Variants in SHE observed in about 807,000 individuals in gnomAD.
SHE encodes Src homology 2 domain containing E.
In SHE, 11 loss-of-function variants were observed where a neutral mutation model predicts 49.8. The observed-to-expected ratio is 0.22, with a 90% CI of 0.14 to 0.37. The LOEUF is 0.37. Among genes scored for constraint, SHE ranks in the 10% least tolerant of loss-of-function variants. The pLI is 1.00. For missense variants in SHE, 624 were observed against 655.5 expected (o/e 0.95, Z 0.52); for synonymous variants, 310 against 278.1 (o/e 1.11, Z -1.14).
In SHE at chr1:154,482,581, G is replaced by A; in HGVS notation, c.*1568C>T. 3.0e-6 allele frequency: 3 copies of A among 985,288 alleles called. No individual in the cohort carries two copies. The highest frequency in any genetic ancestry group is 3.6e-6 in the Non-Finnish European group (3 of 829,930). 61.0% of individuals were successfully genotyped at this position (985,288 alleles called of 1,614,324 possible). On this transcript the variant is annotated 3_prime_UTR_variant, in exon 6 of 6. Transcript: ENST00000304760. The stretch of plus-strand genomic sequence containing the variant: ...ATGACAGTCAGTACATTTGCATATG[G>A]GGCAGTTTTGAGACCCAAATGACCA...
chr1:154,486,581 G>C lies in SHE; in HGVS notation c.1127C>G (p.Ser376Trp), dbSNP rs149390002. The C allele has an allele frequency of 3.7e-6, 6 of 1,614,132 alleles. No homozygotes were observed. The highest frequency in any genetic ancestry group is 2.2e-5 in the East Asian group (1 of 44,878). Residue 376 changes from serine to tryptophan, a missense_variant, in exon 4 of 6, where the codon TCG (serine) becomes TGG (tryptophan). By Grantham distance (177) the Ser-to-Trp change is radical. This residue lies in a region of SHE where 125 missense variants were observed against 181.7 expected (regional missense o/e 0.69). Coordinates refer to ENST00000304760, the MANE Select transcript of SHE (RefSeq NM_001010846.3). ...CACTTTCTCTCCCTCACTGTGGTCCGAGAGGGCTGGCTTCAGGATCTTCTG... is the reference window on the plus strand; with the variant it reads ...CACTTTCTCTCCCTCACTGTGGTCCCAGAGGGCTGGCTTCAGGATCTTCTG... ...WTQKILKPAL[S>W]DHSEGEKVDP...
In SHE at chr1:154,483,989, C is replaced by A. The variant is rs1480543056; in HGVS notation, c.*160G>T. The A allele has an allele frequency of 1.4e-6, 2 of 1,421,222 alleles. No individual in the cohort carries two copies. The highest frequency in any genetic ancestry group is 2.9e-5 in the African/African-American group (2 of 69,478). 88.0% of individuals were successfully genotyped at this position (1,421,222 alleles called of 1,614,324 possible). On this transcript the variant is annotated 3_prime_UTR_variant, in exon 6 of 6. Coordinates refer to ENST00000304760, the MANE Select transcript of SHE (RefSeq NM_001010846.3). The stretch of plus-strand genomic sequence containing the variant: ...CTCCAGCCTGGGCAACACAGCGAGA[C>A]TTCGTCTCAAACAAAACAAAACAAA...
chr1:154,489,814 A>G lies in SHE; in HGVS notation c.719-458T>C, dbSNP rs1328604118. On this transcript the variant is annotated intron_variant, in intron 2 of 5. Transcript: ENST00000304760. ...TGCAAGTCAAAAATGCACTTAATAC[A>G]TGTAACTTACTCAGTATCATGGTTT... Among the ~76,000 whole-genome samples, 4 of 152,356 alleles carry G rather than the reference A, an allele frequency of 2.6e-5. 1 individual carries two copies. Among genetic ancestry groups the G allele is most frequent in the Admixed American group, 2.6e-4 (4 of 15,310 alleles).
rs763277165 is a variant in SHE, at chr1:154,501,851, C to T, written c.176G>A (p.Gly59Glu). Residue 59 changes from glycine to glutamate, a missense_variant, in exon 1 of 6, where the codon GGG becomes GAG. Physicochemically the swap from Gly to Glu is moderately conservative, Grantham distance 98. Coordinates refer to ENST00000304760, the MANE Select transcript of SHE (RefSeq NM_001010846.3). ...CTTGCGCAATTTGCCGCCGCCGCCCCCGGGCTTGGCCCGCTCCGACACGGT... is the reference window on the plus strand; with the variant it reads ...CTTGCGCAATTTGCCGCCGCCGCCCTCGGGCTTGGCCCGCTCCGACACGGT... ...LKTVSERAKP[G>E]GGGGKLRKNS... 1.9e-6 allele frequency: 3 copies of T among 1,538,516 alleles called. 1 individual carries two copies. Among genetic ancestry groups the T allele is most frequent in the South Asian group, 1.2e-5 (1 of 84,458 alleles).
chr1:154,484,404 C>A, intron 5 of SHE, 69 bp from the exon 6 acceptor site: 1 of 1,350,626 alleles, frequency 7.4e-7, no homozygotes, highest in Non-Finnish European at 1.0e-6. Flanking sequence ...AAAACAATTG[C>A]AGCCAGATTC....
At position 154,482,621 on chromosome 1, in the gene SHE, A is replaced by G; in HGVS notation, c.*1528T>C. 1.0e-6 allele frequency: 1 copy of G among 985,436 alleles called. No homozygotes were observed. The highest frequency in any genetic ancestry group is 4.7e-5 in the South Asian group (1 of 21,292). The allele number at this position is 985,436 out of a possible 1,614,324, so 61.0% of individuals were successfully genotyped here. On this transcript the variant is annotated 3_prime_UTR_variant, in exon 6 of 6. Transcript: ENST00000304760. The stretch of plus-strand genomic sequence containing the variant: ...CCAAATGACCAACCCCAGAATACAG[A>G]CACATCTGCTGAATTTTAATTCTGG...
downstream of SHE, among the ~76,000 whole-genome samples, chr1:154,475,870 G>T (rs748801261): frequency 2.0e-4 from 31 of 152,032 alleles, no homozygotes; most frequent in Non-Finnish European, 4.0e-4. Context: ...CCACCTCCCG[G>T]TTGGAGGTGG....
chr1:154,476,135 C>T (rs1441124127), downstream of SHE, among the ~76,000 whole-genome samples: 1 of 152,120 alleles, frequency 6.6e-6, no homozygotes, highest in African/African-American at 2.4e-5. Context: ...TGCTTCAGCC[C>T]AGGAGTTCGA....
At chr1:154,495,947 A>C (rs912895077) in intron 2 of SHE, among the ~76,000 whole-genome samples, 1 of 152,234 alleles carries the variant, frequency 6.6e-6, no homozygotes, top group Non-Finnish European at 1.5e-5. Flanking sequence ...TGCTGAAACA[A>C]GTAAAAAAAA....
Position 154,501,463 on chromosome 1 carries a change from C to T in SHE, c.564G>A (p.Lys188=). The T allele has an allele frequency of 6.2e-7, 1 of 1,614,174 alleles. No individual in the cohort carries two copies. Among genetic ancestry groups the T allele is most frequent in the Non-Finnish European group, 8.5e-7 (1 of 1,180,034 alleles). Residue 188 remains lysine, a synonymous_variant, in exon 1 of 6, where the codon AAG becomes AAA. Transcript: ENST00000304760. The part of the protein sequence containing the change: ...SPSSLGPELD[K]GKIIKQQETV... ...TCTCTTGCTGCTTAATAATCTTGCC[C>T]TTGTCCAGCTCGGGCCCCAGGGAGG...
chr1:154,492,527 T>C (rs1692399105), intron 2 of SHE, among the ~76,000 whole-genome samples: 2 of 152,108 alleles, frequency 1.3e-5, no homozygotes, highest in Non-Finnish European at 2.9e-5. Context: ...CCAGGCCAGG[T>C]ATCTGGGGTT....
Position 154,501,471 on chromosome 1 carries a change from G to A in SHE, c.556C>T (p.Leu186=), listed in dbSNP as rs375939195. The A allele has an allele frequency of 4.8e-5, 77 of 1,614,190 alleles. 1 individual carries two copies. The East Asian group carries it at 4.9e-4, about 10-fold the overall frequency. ...TGCTTAATAATCTTGCCCTTGTCCAGCTCGGGCCCCAGGGAGGAAGGGGAA... is the reference window on the plus strand; with the variant it reads ...TGCTTAATAATCTTGCCCTTGTCCAACTCGGGCCCCAGGGAGGAAGGGGAA... ...SSSPSSLGPE[L]DKGKIIKQQE... Residue 186 remains leucine (L), a synonymous_variant, in exon 1 of 6, where the codon CTG becomes TTG. Coordinates refer to ENST00000304760, the MANE Select transcript of SHE (RefSeq NM_001010846.3).
intron 2 of SHE, among the ~76,000 whole-genome samples, chr1:154,490,869 G>A (rs1205299225): frequency 3.3e-5 from 5 of 151,820 alleles, no homozygotes; most frequent in Admixed American, 3.3e-4. Context: ...ATGGTGTACA[G>A]GATAGAGTAA....
chr1:154,480,069 C>G lies in SHE; in HGVS notation c.*4080G>C. 3 of 985,510 alleles carry G rather than the reference C, an allele frequency of 3.0e-6. No individual in the cohort carries two copies. The highest frequency in any genetic ancestry group is 3.6e-6 in the Non-Finnish European group (3 of 829,942). 61.0% of individuals were successfully genotyped at this position (985,510 alleles called of 1,614,324 possible). On this transcript the variant is annotated 3_prime_UTR_variant, in exon 6 of 6. Transcript: ENST00000304760. ...GGTCAGCGGTGGAGGGTAAGTTGAA[C>G]AGAAGGCCCACTGCACAGCAGGCCA... is the stretch of plus-strand genomic sequence containing the variant.
At chr1:154,495,093 G>C (rs1200351765) in intron 2 of SHE, among the ~76,000 whole-genome samples, 1 of 152,190 alleles carries the variant, frequency 6.6e-6, no homozygotes, top group African/African-American at 2.4e-5. Flanking sequence ...GTTGCTGCAA[G>C]ATTTAGTGAG....
chr1:154,486,057 T>A lies in SHE; in HGVS notation c.1187A>T (p.Tyr396Phe). 6.2e-7 allele frequency: 1 copy of A among 1,611,356 alleles called. No individual in the cohort carries two copies. The highest frequency in any genetic ancestry group is 1.1e-5 in the South Asian group (1 of 91,042). ...PGLPLEKQPWYHGAISRAEAE... is the reference protein window; with the variant it reads ...PGLPLEKQPWFHGAISRAEAE... ...CTCAGCACGGCTGATGGCACCATGA[T>A]ACCAGCTGAAAAATGGGGGTGGAAG... The change falls in exon 5 of 6, where the codon TAT becomes TTT. Residue 396 changes from tyrosine (Y) to phenylalanine (F), a missense_variant. Physicochemically the swap from Tyr to Phe is conservative, Grantham distance 22. Transcript: ENST00000304760.
At chr1:154,473,809 T>TAA (rs879476389) in intron 1 of SHE, among the ~76,000 whole-genome samples, 1 of 133,758 alleles carries the variant, frequency 7.5e-6, no homozygotes, top group Non-Finnish European at 1.6e-5. Context: ...CCTCAAAAAA[T>TAA]AAAAAAAAAA....
downstream of SHE, among the ~76,000 whole-genome samples, chr1:154,478,641 GAA>G (rs1408342424): frequency 6.6e-5 from 10 of 152,140 alleles, no homozygotes; most frequent in Admixed American, 6.5e-4. Context: ...ACCTGGTGCG[GAA>G]AAAGAGTCTA....
rs995545483 is a variant in SHE, at chr1:154,482,536, C to T, written c.*1613G>A. On this transcript the variant is annotated 3_prime_UTR_variant, in exon 6 of 6. Transcript: ENST00000304760. ...ACATTTTGTGTGTATTTATAAGCTA[C>T]AAAGGTTAACTTTTCATTGATGACA... 8.1e-6 allele frequency: 8 copies of T among 985,290 alleles called. No individual in the cohort carries two copies. Among genetic ancestry groups the T allele is most frequent in the Non-Finnish European group, 9.6e-6 (8 of 829,940 alleles). The allele number at this position is 985,290 out of a possible 1,614,324, so 61.0% of individuals were successfully genotyped here. A position where few individuals can be genotyped will look rare whatever the true frequency, so the allele number is the denominator to read the frequency against.
Sources: gnomAD v4.1 joint callset for allele counts (sites outside exome capture counted in the v4.1 genomes callset) on GRCh38, gnomAD v4.1.1 for gene constraint, gnomAD v4.1.1 regional missense constraint, MANE v1.5 for transcripts, NCBI Gene and HGNC (gene_info 2026-07-23, HGNC 2026-07-21) for gene names.